The following SYNE1 variants were observed in gnomAD, a reference collection of about 807,000 sequenced individuals.
The protein encoded by SYNE1 is spectrin repeat containing nuclear envelope protein 1, also known as nesprin-1.
SYNE1 carries 616 observed loss-of-function variants against 1,111.0 expected under a neutral mutation model. The ratio of observed to expected loss-of-function variants is 0.55; its 90% CI spans 0.52 to 0.59. The LOEUF is 0.59. Among genes scored for constraint, SYNE1 ranks in the 20% least tolerant of loss-of-function variants. The pLI is 0.00. For synonymous variants in SYNE1, 3,855 were observed against 3,825.8 expected, an observed-to-expected ratio of 1.01 and a Z score of -0.28; for missense variants, 10,006 against 10,417.0, an observed-to-expected ratio of 0.96 and a Z score of 1.72.
chr6:152,605,070 GAGGAAAGAAGGA>G (rs1266241769), intron 3 of SYNE1, among the ~76,000 whole-genome samples: 3 of 35,762 alleles, frequency 8.4e-5, no homozygotes, highest in African/African-American at 2.9e-4. Flanking sequence ...GGGAGGGAGG[GAGGAAAGAAGGA>G]AGGAAGGAAG....
chr6:152,213,203 G>A (rs1246331131), intron 123 of SYNE1, among the ~76,000 whole-genome samples: 1 of 152,132 alleles, frequency 6.6e-6, no homozygotes, highest in African/African-American at 2.4e-5. Context: ...GCTCTTTGAA[G>A]ATCACAAAAT....
intron 68 of SYNE1, 53 bp from the exon 69 acceptor site, chr6:152,353,486 C>A: frequency 6.2e-7 from 1 of 1,613,766 alleles, no homozygotes; most frequent in Non-Finnish European, 8.5e-7. Context: ...GTGCCAGGGC[C>A]TTTGTTGATG....
At chr6:152,215,155 CTGGTCTTCGGTCTAG>C in intron 121 of SYNE1, 95 bp from the exon 122 acceptor site, 8 of 1,449,314 alleles carry the variant, frequency 5.5e-6, no homozygotes, top group Non-Finnish European at 7.7e-6. Context: ...CAGGAAGTAG[CTGGTCTTCGGTCTAG>C]TGGCCTCTGC....
intron 48 of SYNE1, among the ~76,000 whole-genome samples, chr6:152,399,038 G>A (rs768067064): frequency 6.6e-6 from 1 of 152,178 alleles, no homozygotes; most frequent in Non-Finnish European, 1.5e-5. Context: ...TTAATTGCCT[G>A]AATATGTAAA....
chr6:152,443,894 AC>A lies in SYNE1; in HGVS notation c.3837+516del, dbSNP rs1461495059. ...AAAATAGCTTCTTATCAGTATATATACCAGAATTTCTTTATTTCTAGTTCTA... is the reference window on the plus strand; with the variant it reads ...AAAATAGCTTCTTATCAGTATATATACAGAATTTCTTTATTTCTAGTTCTA... On this transcript the variant is annotated intron_variant, in intron 30 of 145. Transcript: ENST00000367255. Among the ~76,000 whole-genome samples the A allele has an allele frequency of 3.3e-5, 5 of 152,314 alleles. No individual in the cohort carries two copies. The East Asian group carries it at 9.6e-4, about 29-fold the overall frequency.
At chr6:152,495,817 C>T (rs2098996426) in intron 11 of SYNE1, among the ~76,000 whole-genome samples, 1 of 152,234 alleles carries the variant, frequency 6.6e-6, no homozygotes, top group Non-Finnish European at 1.5e-5. Flanking sequence ...ATAAGAACCC[C>T]TTCCCGTCCC....
At chr6:152,202,734 C>T (rs1450461864) in intron 126 of SYNE1, among the ~76,000 whole-genome samples, 2 of 152,010 alleles carry the variant, frequency 1.3e-5, no homozygotes, top group South Asian at 2.1e-4. Context: ...TCCATAACTA[C>T]ACCCAATGTC....
At chr6:152,351,564 C>T (rs1228477766) in intron 70 of SYNE1, among the ~76,000 whole-genome samples, 1 of 152,206 alleles carries the variant, frequency 6.6e-6, no homozygotes, top group Admixed American at 6.5e-5. Context: ...TTCTAAGGAA[C>T]TTAGCTCGAG....
Position 152,413,424 on chromosome 6 carries a change from G to A in SYNE1, c.6158C>T (p.Ala2053Val). ...GTTTATCTCCCTGTCAACTTCAGGT[G>A]CAAAAGCTACATCTTTCTGGGCAAT... ...KQIAQKDVAF[A>V]PEVDREINRL... The change falls in exon 42 of 146, where the codon GCA (alanine) becomes GTA (valine). Residue 2053 changes from alanine (A) to valine (V), a missense_variant. Physicochemically the swap from Ala to Val is moderately conservative, Grantham distance 64. This residue lies in a region of SYNE1 where 4,955 missense variants were observed against 5,017.2 expected (regional missense o/e 0.99). Coordinates refer to ENST00000367255, the MANE Select transcript of SYNE1 (RefSeq NM_182961.4). 1 of 1,614,126 alleles carries A rather than the reference G, an allele frequency of 6.2e-7. No individual in the cohort carries two copies. Among genetic ancestry groups the A allele is most frequent in the South Asian group, 1.1e-5 (1 of 91,084 alleles).
chr6:152,189,909 G>T (rs1716812207), intron 127 of SYNE1, among the ~76,000 whole-genome samples: 1 of 152,174 alleles, frequency 6.6e-6, no homozygotes, highest in Non-Finnish European at 1.5e-5. Flanking sequence ...CAGCACTGAT[G>T]ACTCTTCCTT....
intron 86 of SYNE1, among the ~76,000 whole-genome samples, chr6:152,317,672 A>G (rs549031405): frequency 6.6e-6 from 1 of 152,336 alleles, no homozygotes; most frequent in African/African-American, 2.4e-5. Flanking sequence ...GTCTATATGC[A>G]ACAATTATTA....
chr6:152,357,955 G>A (rs1757889322), intron 66 of SYNE1, among the ~76,000 whole-genome samples: 1 of 152,112 alleles, frequency 6.6e-6, no homozygotes, highest in Non-Finnish European at 1.5e-5. Flanking sequence ...CAGCAATGTG[G>A]CAGGTTTTGC....
At chr6:152,234,298 C>A (rs9383979) in intron 111 of SYNE1, among the ~76,000 whole-genome samples, 2 of 151,266 alleles carry the variant, frequency 1.3e-5, no homozygotes, top group Non-Finnish European at 3.0e-5. Flanking sequence ...CTTTTCTTTT[C>A]TTTTTTTCTT....
chr6:152,259,950 AG>A (rs1367682703), intron 101 of SYNE1, among the ~76,000 whole-genome samples: 8 of 152,206 alleles, frequency 5.3e-5, no homozygotes, highest in Non-Finnish European at 1.0e-4. Context: ...TGAACAGTCC[AG>A]GTATTGTGGA....
intron 97 of SYNE1, among the ~76,000 whole-genome samples, chr6:152,279,623 G>A (rs1287549411): frequency 2.0e-5 from 3 of 151,698 alleles, no homozygotes; most frequent in Non-Finnish European, 1.5e-5. Context: ...GGGCTGAGGT[G>A]GGAGAATTGC....
At chr6:152,232,393 G>A (rs1263242853) in intron 112 of SYNE1, 128 bp from the exon 113 acceptor site, 3 of 1,028,204 alleles carry the variant, frequency 2.9e-6, no homozygotes, top group Non-Finnish European at 4.5e-6. Context: ...ATGACATTTG[G>A]AGATCTTACC....
At chr6:152,283,513 G>A (rs1444300731) in intron 96 of SYNE1, among the ~76,000 whole-genome samples, 1 of 152,148 alleles carries the variant, frequency 6.6e-6, no homozygotes, top group Admixed American at 6.5e-5. Context: ...CTATTCGGGA[G>A]ACTGTTTTGT....
intron 32 of SYNE1, among the ~76,000 whole-genome samples, chr6:152,438,563 T>C (rs571235083): frequency 6.6e-6 from 1 of 152,324 alleles, no homozygotes; most frequent in African/African-American, 2.4e-5. Context: ...CACATTAGAT[T>C]GATCTGGGAT....
chr6:152,220,526 T>C (rs1205944821), intron 119 of SYNE1, among the ~76,000 whole-genome samples: 1 of 152,170 alleles, frequency 6.6e-6, no homozygotes, highest in Non-Finnish European at 1.5e-5. Context: ...TAGAACACTA[T>C]TCCCCATATG....
Sources: allele counts gnomAD v4.1 joint callset (sites outside exome capture counted in the v4.1 genomes callset), GRCh38; gene constraint gnomAD v4.1.1; regional missense constraint gnomAD v4.1.1; transcripts MANE v1.5; gene names NCBI Gene and HGNC (gene_info 2026-07-23, HGNC 2026-07-21).